GALNT7: variants seen among roughly 807,000 people sequenced by gnomAD.
The protein encoded by GALNT7 is polypeptide N-acetylgalactosaminyltransferase 7.
A neutral mutation model predicts 82.1 loss-of-function variants in GALNT7; 60 were observed. That is an observed-to-expected ratio of 0.73 (90% confidence interval 0.59 to 0.91). GALNT7 has a LOEUF of 0.91. Ranked by LOEUF, GALNT7 falls within the 40% of genes least tolerant of loss-of-function variation. The probability of loss-of-function intolerance (pLI) is 0.00; values close to 1 mark genes in which losing one functional copy is unlikely to be tolerated. For missense variants in GALNT7, 660 were observed against 804.2 expected, an observed-to-expected ratio of 0.82 and a Z score of 2.17; for synonymous variants, 243 against 275.1, an observed-to-expected ratio of 0.88 and a Z score of 1.15.
intron 2 of GALNT7, among the ~76,000 whole-genome samples, chr4:173,266,568 A>T (rs530707209): frequency 1.3e-5 from 2 of 152,348 alleles, no homozygotes; most frequent in South Asian, 4.1e-4. Context: ...GAGCAAAAGA[A>T]GTATGTTATC....
intron 8 of GALNT7, among the ~76,000 whole-genome samples, chr4:173,305,844 G>A (rs146328208): frequency 5.3e-5 from 8 of 152,068 alleles, no homozygotes; most frequent in Non-Finnish European, 7.4e-5. Flanking sequence ...CTCCAGCTTC[G>A]TTCTTTTTGC....
At chr4:173,204,212 G>A (rs1733024301) in intron 1 of GALNT7, among the ~76,000 whole-genome samples, 1 of 152,040 alleles carries the variant, frequency 6.6e-6, no homozygotes, top group Admixed American at 6.5e-5. Context: ...AGTCTTTCTG[G>A]AACTCCCTTA....
At chr4:173,250,731 A>T (rs1263816894) in intron 2 of GALNT7, among the ~76,000 whole-genome samples, 1 of 151,998 alleles carries the variant, frequency 6.6e-6, no homozygotes, top group African/African-American at 2.4e-5. Flanking sequence ...CAAACTCCTA[A>T]CGTGCAGCAG....
intron 1 of GALNT7, among the ~76,000 whole-genome samples, chr4:173,192,900 C>T (rs1437840741): frequency 2.0e-5 from 3 of 152,196 alleles, no homozygotes; most frequent in African/African-American, 7.2e-5. Flanking sequence ...ATTCTCTCTC[C>T]TGGGATTTTT....
chr4:173,210,875 T>G (rs148711002), intron 1 of GALNT7, among the ~76,000 whole-genome samples: 5 of 152,172 alleles, frequency 3.3e-5, no homozygotes, highest in African/African-American at 2.4e-5. Flanking sequence ...AGTGGAAAAA[T>G]AAATGCAAGT....
Position 173,322,391 on chromosome 4 carries a change from A to T in GALNT7, c.*674A>T, listed in dbSNP as rs1737854332. 6.6e-6 allele frequency: 1 copy of T among 152,616 alleles called. No individual in the cohort carries two copies. 9.5% of individuals were successfully genotyped at this position (152,616 alleles called of 1,614,324 possible). A position where few individuals can be genotyped will look rare whatever the true frequency, so the allele number is the denominator to read the frequency against. The stretch of plus-strand genomic sequence containing the variant: ...AATTTATGTGCTGCCATTTGCTATA[A>T]AGTTGAACTTTGTATGGCTTGAAAA... On this transcript the variant is annotated 3_prime_UTR_variant, in exon 12 of 12. Transcript: ENST00000265000.
At chr4:173,179,293 T>A (rs1349374261) in intron 1 of GALNT7, among the ~76,000 whole-genome samples, 1 of 152,222 alleles carries the variant, frequency 6.6e-6, no homozygotes, top group African/African-American at 2.4e-5. Context: ...GTCAGCATTT[T>A]TATTTATTAA....
chr4:173,229,359 T>C (rs115176946), intron 1 of GALNT7, among the ~76,000 whole-genome samples: 1 of 152,198 alleles, frequency 6.6e-6, no homozygotes, highest in Non-Finnish European at 1.5e-5. Context: ...AAATTTTTAT[T>C]GAAATAAATG....
At chr4:173,221,072 G>A (rs375546634) in intron 1 of GALNT7, among the ~76,000 whole-genome samples, 4 of 151,260 alleles carry the variant, frequency 2.6e-5, no homozygotes, top group South Asian at 4.2e-4. Flanking sequence ...CTGAGGAATC[G>A]CCACACTGAC....
intron 1 of GALNT7, among the ~76,000 whole-genome samples, chr4:173,211,084 T>C (rs1468630263): frequency 6.6e-6 from 1 of 152,180 alleles, no homozygotes; most frequent in Non-Finnish European, 1.5e-5. Context: ...TTCCAGTACA[T>C]CTCAATTTGG....
At chr4:173,188,169 C>CG (rs1732514568) in intron 1 of GALNT7, among the ~76,000 whole-genome samples, 1 of 152,178 alleles carries the variant, frequency 6.6e-6, no homozygotes, top group Non-Finnish European at 1.5e-5. Flanking sequence ...GGTATGTTTA[C>CG]ATTCTTAATT....
chr4:173,219,542 C>G (rs1190427896), intron 1 of GALNT7, among the ~76,000 whole-genome samples: 1 of 151,982 alleles, frequency 6.6e-6, no homozygotes, highest in Non-Finnish European at 1.5e-5. Context: ...GGTAGTTCTA[C>G]TTTTAGTTCT....
chr4:173,172,768 T>C (rs932777163), intron 1 of GALNT7, among the ~76,000 whole-genome samples: 4 of 152,158 alleles, frequency 2.6e-5, no homozygotes, highest in African/African-American at 9.7e-5. Context: ...ATGAGTGAAA[T>C]AGTGAGAAAC....
chr4:173,288,202 G>GA (rs1280445674), intron 2 of GALNT7, among the ~76,000 whole-genome samples: 1 of 144,256 alleles, frequency 6.9e-6, no homozygotes, highest in Non-Finnish European at 1.5e-5. Flanking sequence ...AGAATGGCGT[G>GA]AACCCGGGAG....
chr4:173,198,440 A>G (rs966595390), intron 1 of GALNT7, among the ~76,000 whole-genome samples: 21 of 152,118 alleles, frequency 1.4e-4, no homozygotes, highest in Non-Finnish European at 2.8e-4. Context: ...AGCCTCTCAT[A>G]TAGTTAATAC....
intron 1 of GALNT7, among the ~76,000 whole-genome samples, chr4:173,224,820 G>A (rs1470100012): frequency 1.3e-5 from 2 of 151,572 alleles, no homozygotes; most frequent in African/African-American, 2.4e-5. Flanking sequence ...AGACCATCCT[G>A]GCTAACACGG....
intron 1 of GALNT7, among the ~76,000 whole-genome samples, chr4:173,236,184 G>T (rs1447138779): frequency 6.6e-6 from 1 of 152,194 alleles, no homozygotes; most frequent in Non-Finnish European, 1.5e-5. Context: ...ACCGTGAGGA[G>T]TCCAGAGGCC....
At chr4:173,210,515 G>A (rs1442164078) in intron 1 of GALNT7, among the ~76,000 whole-genome samples, 1 of 151,908 alleles carries the variant, frequency 6.6e-6, no homozygotes, top group African/African-American at 2.4e-5. Context: ...GTGAGATGGC[G>A]CCATTTTGGC....
chr4:173,299,957 C>A (rs952047632), intron 6 of GALNT7, among the ~76,000 whole-genome samples: 1 of 152,008 alleles, frequency 6.6e-6, no homozygotes, highest in African/African-American at 2.4e-5. Context: ...CTGTGTTAGG[C>A]AGCATATTTT....
Sources: allele counts gnomAD v4.1 joint callset (sites outside exome capture counted in the v4.1 genomes callset), GRCh38; gene constraint gnomAD v4.1.1; transcripts MANE v1.5; gene names NCBI Gene and HGNC (gene_info 2026-07-23, HGNC 2026-07-21).